The following C18orf63 variants were observed in gnomAD, a reference collection of about 807,000 sequenced individuals.
C18orf63 encodes the protein chromosome 18 open reading frame 63.
A neutral mutation model predicts 75.3 loss-of-function variants in C18orf63; 50 were observed. The ratio of observed to expected loss-of-function variants is 0.66; its 90% CI spans 0.53 to 0.84. C18orf63 has a LOEUF of 0.84. Ranked by LOEUF, C18orf63 falls within the 40% of genes least tolerant of loss-of-function variation. C18orf63 has a pLI of 0.00. For synonymous variants in C18orf63, 232 were observed against 267.6 expected, an observed-to-expected ratio of 0.87 and a Z score of 1.30; for missense variants, 732 against 800.2, an observed-to-expected ratio of 0.91 and a Z score of 1.03.
chr18:74,340,067 C>T (rs1030534562), intron 8 of C18orf63, among the ~76,000 whole-genome samples: 1 of 152,090 alleles, frequency 6.6e-6, no homozygotes, highest in Admixed American at 6.5e-5. Context: ...AGTGAAGAGA[C>T]AACTTACAGA....
chr18:74,354,394 C>A, intron 12 of C18orf63, 63 bp from the exon 13 acceptor site: 2 of 1,242,240 alleles, frequency 1.6e-6, no homozygotes, highest in Admixed American at 2.4e-5. Context: ...AATATCTACC[C>A]TAGAGCGACT....
intron 7 of C18orf63, among the ~76,000 whole-genome samples, chr18:74,334,706 C>G (rs1717472353): frequency 6.6e-6 from 1 of 151,992 alleles, no homozygotes; most frequent in Admixed American, 6.6e-5. Flanking sequence ...GGTTTCTCTT[C>G]CCTCCAGTTT....
chr18:74,320,285 G>C (rs963668094), intron 2 of C18orf63, among the ~76,000 whole-genome samples: 2 of 152,120 alleles, frequency 1.3e-5, no homozygotes, highest in Non-Finnish European at 2.9e-5. Context: ...TTCTTCTAAT[G>C]GCAGCAAGAG....
chr18:74,323,374 A>G (rs1984157182), intron 4 of C18orf63, among the ~76,000 whole-genome samples: 1 of 152,214 alleles, frequency 6.6e-6, no homozygotes, highest in Non-Finnish European at 1.5e-5. Context: ...TGTTGCCTTT[A>G]GGTCCTAGGG....
At chr18:74,327,683 A>C (rs1163250229) in intron 4 of C18orf63, among the ~76,000 whole-genome samples, 2 of 152,240 alleles carry the variant, frequency 1.3e-5, no homozygotes, top group African/African-American at 4.8e-5. Context: ...CAGAACTCCC[A>C]AGATTTAGAC....
chr18:74,354,053 A>G lies in C18orf63; in HGVS notation c.1786A>G (p.Ile596Val). The stretch of plus-strand genomic sequence containing the variant: ...ACTAAAACTGAAAAGACAGCCACAC[A>G]TTTTTGAATCAGATGGAGAAACCGA... ...GSLKLKRQPH[I>V]FESDGETEDP... The change falls in exon 12 of 14, where the codon ATT (isoleucine) becomes GTT (valine). Residue 596 changes from isoleucine to valine, a missense_variant. Around this residue, in one of 3 missense-constraint regions of C18orf63, gnomAD observed 495 missense variants for 508.7 expected, o/e 0.97. Transcript: ENST00000579455. The G allele has an allele frequency of 6.5e-7, 1 of 1,536,344 alleles. No homozygotes were observed. Among genetic ancestry groups the G allele is most frequent in the South Asian group, 1.2e-5 (1 of 84,050 alleles).
At position 74,358,618 on chromosome 18, in the gene C18orf63, C is replaced by A. The variant is rs1201727429; in HGVS notation, c.*2171C>A. ...TATGCAGTATGGACCATCCTCCCCC[C>A]AGAAATTATTCTTATATTCCAATTG... On this transcript the variant is annotated 3_prime_UTR_variant, in exon 14 of 14. Transcript: ENST00000579455. 2 of 152,078 alleles carry A rather than the reference C, an allele frequency of 1.3e-5. No individual in the cohort carries two copies. Among genetic ancestry groups the A allele is most frequent in the Non-Finnish European group, 2.9e-5 (2 of 67,978 alleles). The allele number at this position is 152,078 out of a possible 1,614,324, so 9.4% of individuals were successfully genotyped here. A position where few individuals can be genotyped will look rare whatever the true frequency, so the allele number is the denominator to read the frequency against.
At chr18:74,346,948 A>C (rs1984584771) in intron 11 of C18orf63, among the ~76,000 whole-genome samples, 1 of 152,226 alleles carries the variant, frequency 6.6e-6, no homozygotes, top group African/African-American at 2.4e-5. Context: ...ACATCCAAAT[A>C]ATTTAACCAA....
rs537842346 is a variant in C18orf63 at position 74,321,931 on chromosome 18, C to T, written c.214-767C>T. Among the ~76,000 whole-genome samples the T allele has an allele frequency of 1.2e-4, 19 of 152,124 alleles. 1 individual carries two copies. The highest frequency in any genetic ancestry group is 4.1e-4 in the African/African-American group (17 of 41,492). On this transcript the variant is annotated intron_variant, in intron 3 of 13. Coordinates refer to ENST00000579455, the MANE Select transcript of C18orf63 (RefSeq NM_001174123.2). ...CCCTTTAACAACCTTTCCTGGATATCTTTCCATGTCAGTACACATATCTTC... is the reference window on the plus strand; with the variant it reads ...CCCTTTAACAACCTTTCCTGGATATTTTTCCATGTCAGTACACATATCTTC...
rs1241680161 is a variant in C18orf63, at chr18:74,316,067, G to A, written c.-75G>A. On this transcript the variant is annotated 5_prime_UTR_variant, in exon 1 of 14. It adds an upstream start codon to the 5' untranslated region. Coordinates refer to ENST00000579455, the MANE Select transcript of C18orf63 (RefSeq NM_001174123.2). ...TGAGGAGACGCCTGACGCATCTGCAGTGCAGGAGGCCGTGGGCGTTAGAAG... is the reference window on the plus strand; with the variant it reads ...TGAGGAGACGCCTGACGCATCTGCAATGCAGGAGGCCGTGGGCGTTAGAAG... 6.6e-6 allele frequency: 1 copy of A among 152,302 alleles called. No homozygotes were observed. Among genetic ancestry groups the A allele is most frequent in the East Asian group, 1.9e-4 (1 of 5,158 alleles). The allele number at this position is 152,302 out of a possible 1,614,324, so 9.4% of individuals were successfully genotyped here.
At position 74,354,220 on chromosome 18, in the gene C18orf63, T is replaced by G; in HGVS notation, c.1953T>G (p.His651Gln). 1 of 1,535,880 alleles carries G rather than the reference T, an allele frequency of 6.5e-7. No homozygotes were observed. Among genetic ancestry groups the G allele is most frequent in the Non-Finnish European group, 8.7e-7 (1 of 1,146,824 alleles). The change falls in exon 12 of 14, where the codon CAT becomes CAG. Residue 651 changes from histidine (H) to glutamine (Q), a missense_variant. Physicochemically the swap from His to Gln is conservative, Grantham distance 24. Transcript: ENST00000579455. ...AGTCTTCCAAAACTTCAAAGAAGCATCATTCCGATACTGTGCACTATGGCC... is the reference window on the plus strand; with the variant it reads ...AGTCTTCCAAAACTTCAAAGAAGCAGCATTCCGATACTGTGCACTATGGCC... ...CPESSKTSKK[H>Q]HSDTVHYGQS... is the part of the protein sequence containing the mutation.
At chr18:74,324,941 G>A (rs1984184156) in intron 4 of C18orf63, among the ~76,000 whole-genome samples, 1 of 151,986 alleles carries the variant, frequency 6.6e-6, no homozygotes, top group Admixed American at 6.6e-5. Flanking sequence ...CCCTCATTGA[G>A]CCTTTATGGT....
chr18:74,322,105 G>A (rs780886357), intron 3 of C18orf63, among the ~76,000 whole-genome samples: 17 of 152,146 alleles, frequency 1.1e-4, no homozygotes, highest in East Asian at 9.7e-4. Context: ...ATAATTTGTC[G>A]GTTACATTTT....
Position 74,358,988 on chromosome 18 carries a change from C to G in C18orf63, c.*2541C>G, listed in dbSNP as rs965145266. The G allele has an allele frequency of 6.6e-6, 1 of 151,828 alleles. No individual in the cohort carries two copies. The highest frequency in any genetic ancestry group is 6.6e-5 in the Admixed American group (1 of 15,244). 9.4% of individuals were successfully genotyped at this position (151,828 alleles called of 1,614,324 possible). A position where few individuals can be genotyped will look rare whatever the true frequency, so the allele number is the denominator to read the frequency against. On this transcript the variant is annotated 3_prime_UTR_variant, in exon 14 of 14. Coordinates refer to ENST00000579455, the MANE Select transcript of C18orf63 (RefSeq NM_001174123.2). The stretch of plus-strand genomic sequence containing the variant: ...GACTAACCAGTTGACCAATTTTGCT[C>G]TGTTTTCAAATTGCATATGATGGGG...
At chr18:74,341,046 C>T (rs1329202707) in intron 8 of C18orf63, among the ~76,000 whole-genome samples, 2 of 151,860 alleles carry the variant, frequency 1.3e-5, no homozygotes, top group African/African-American at 2.4e-5. Context: ...TGGCGGATCA[C>T]GAGGTCCGGA....
rs1292057498 is a variant in C18orf63 at position 74,341,851 on chromosome 18, CAATT to C, written c.612-178_612-175del. Among the ~76,000 whole-genome samples the C allele has an allele frequency of 8.6e-5, 13 of 151,868 alleles. No individual in the cohort carries two copies. The South Asian group carries it at 1.7e-3, about 19-fold the overall frequency. ...AATAATATATACTATTTTTATTTGTCAATTAAAGCAAAATAAAAAGATTTAGTAC... is the reference window on the plus strand; with the variant it reads ...AATAATATATACTATTTTTATTTGTCAAAGCAAAATAAAAAGATTTAGTAC... On this transcript the variant is annotated intron_variant, in intron 8 of 13. Transcript: ENST00000579455.
In C18orf63 at chr18:74,342,305, TG is replaced by T. The variant is rs1303345770; in HGVS notation, c.774del (p.Met258IlefsTer25). ...ATATACTGCAACATCTATTTCAAAA[TG>T]CTCGGAGAAAGGACCTTCACATATC... ...IKIYCNIYFK[M>X]LGERTFTYPL... On this transcript the variant is annotated frameshift_variant, in exon 10 of 14. Transcript: ENST00000579455. LOFTEE classifies it high-confidence loss of function. 1 of 1,531,200 alleles carries T rather than the reference TG, an allele frequency of 6.5e-7. No individual in the cohort carries two copies. Among genetic ancestry groups the T allele is most frequent in the Non-Finnish European group, 8.7e-7 (1 of 1,143,668 alleles). 94.9% of individuals were successfully genotyped at this position (1,531,200 alleles called of 1,614,324 possible).
intron 5 of C18orf63, among the ~76,000 whole-genome samples, chr18:74,328,794 G>T (rs953754259): frequency 1.3e-5 from 2 of 152,132 alleles, no homozygotes; most frequent in Admixed American, 6.6e-5. Flanking sequence ...GAAGAATTGG[G>T]TATTTCCATT....
At chr18:74,322,537 G>T (rs1984141205) in intron 3 of C18orf63, among the ~76,000 whole-genome samples, 161 bp from the exon 4 acceptor site, 1 of 152,172 alleles carries the variant, frequency 6.6e-6, no homozygotes, top group African/African-American at 2.4e-5. Context: ...TTCCAATTCA[G>T]GGAGAGAATG....
Sources: allele counts gnomAD v4.1 joint callset (sites outside exome capture counted in the v4.1 genomes callset), GRCh38; gene constraint gnomAD v4.1.1; regional missense constraint gnomAD v4.1.1; transcripts MANE v1.5; gene names NCBI Gene and HGNC (gene_info 2026-07-23, HGNC 2026-07-21).